Variants in KAZN observed in about 807,000 individuals in gnomAD.
KAZN encodes the protein kazrin.
A neutral mutation model predicts 87.4 loss-of-function variants in KAZN; 40 were observed. That is an observed-to-expected ratio of 0.46 (90% CI 0.36 to 0.60). The LOEUF (loss-of-function observed/expected upper bound fraction) is 0.60, where lower values mean the gene tolerates loss of function less well. Ranked by LOEUF, KAZN falls within the 20% of genes least tolerant of loss-of-function variation. KAZN has a pLI of 0.00. For synonymous variants in KAZN, 466 were observed against 458.3 expected (o/e 1.02, Z -0.22); for missense variants, 898 against 1,073.9 (o/e 0.84, Z 2.29).
At chr1:14,823,829 G>A (rs1449967791) in intron 1 of KAZN, among the ~76,000 whole-genome samples, 2 of 152,142 alleles carry the variant, frequency 1.3e-5, no homozygotes, top group Non-Finnish European at 2.9e-5. Flanking sequence ...CAGGGAATGA[G>A]TGGGCCCGGC....
intron 7 of KAZN, among the ~76,000 whole-genome samples, chr1:15,064,582 C>G (rs1232701664): frequency 1.3e-5 from 2 of 152,246 alleles, no homozygotes; most frequent in Non-Finnish European, 2.9e-5. Flanking sequence ...TCCCACGTCA[C>G]AGACAAGAAA....
chr1:14,741,126 C>T (rs565416997), intron 1 of KAZN, among the ~76,000 whole-genome samples: 5 of 152,292 alleles, frequency 3.3e-5, no homozygotes, highest in Non-Finnish European at 4.4e-5. Context: ...GTTGCTGGAG[C>T]GGGTCGTTTA....
intron 2 of KAZN, among the ~76,000 whole-genome samples, chr1:14,270,915 G>A (rs1472874246): frequency 1.3e-5 from 2 of 152,150 alleles, no homozygotes; most frequent in Admixed American, 1.3e-4. Flanking sequence ...CCAGAAATGG[G>A]GGACAGCCTT....
chr1:14,325,449 C>CA (rs1391351476), intron 2 of KAZN, among the ~76,000 whole-genome samples: 1 of 152,150 alleles, frequency 6.6e-6, no homozygotes, highest in African/African-American at 2.4e-5. Context: ...GTTCATCTGA[C>CA]ATGACCTCTG....
chr1:14,176,562 C>T (rs1264332494), intron 1 of KAZN, among the ~76,000 whole-genome samples: 4 of 152,130 alleles, frequency 2.6e-5, no homozygotes, highest in African/African-American at 9.7e-5. Context: ...GAGAATCAGG[C>T]CATATTCTTT....
intron 2 of KAZN, among the ~76,000 whole-genome samples, chr1:14,405,378 G>A (rs958712275): frequency 6.6e-6 from 1 of 152,128 alleles, no homozygotes; most frequent in African/African-American, 2.4e-5. Context: ...TTTCAGGAAA[G>A]CCTGTACATT....
chr1:14,877,432 C>T (rs566916150), intron 1 of KAZN, among the ~76,000 whole-genome samples: 149 of 152,338 alleles, frequency 9.8e-4, no homozygotes, highest in Non-Finnish European at 7.3e-5. Flanking sequence ...AGACATGCAT[C>T]ATGGGCCAAT....
intron 1 of KAZN, among the ~76,000 whole-genome samples, chr1:13,916,460 G>T (rs1409362127): frequency 6.6e-6 from 1 of 152,132 alleles, no homozygotes; most frequent in Non-Finnish European, 1.5e-5. Flanking sequence ...GATGGTAGGT[G>T]CTCAAAGACT....
intron 2 of KAZN, among the ~76,000 whole-genome samples, chr1:14,314,762 CATT>C: frequency 6.6e-6 from 1 of 152,226 alleles, no homozygotes; most frequent in East Asian, 1.9e-4. Flanking sequence ...CAATCACCAT[CATT>C]ATTTAATTCC....
At chr1:14,414,230 C>G (rs1447217026) in intron 2 of KAZN, among the ~76,000 whole-genome samples, 1 of 151,338 alleles carries the variant, frequency 6.6e-6, no homozygotes, top group East Asian at 1.9e-4. Flanking sequence ...TAGAGATGTT[C>G]ATGTTCTAGT....
chr1:14,380,357 A>G (rs1292565282), intron 2 of KAZN, among the ~76,000 whole-genome samples: 1 of 152,254 alleles, frequency 6.6e-6, no homozygotes, highest in East Asian at 1.9e-4. Flanking sequence ...ACATGAACTC[A>G]ACAAATGAAC....
rs144871138 is a variant in KAZN, at chr1:14,745,364, G to C, written c.226+146141G>C. On this transcript the variant is annotated intron_variant, in intron 1 of 14. Transcript: ENST00000376030. The stretch of plus-strand genomic sequence containing the variant: ...CAGCTCAAAATAGATAGGAATGATA[G>C]TACAAGAAGGTAAATAAAGAATCCC... Among the ~76,000 whole-genome samples, 10 of 152,058 alleles carry C rather than the reference G, an allele frequency of 6.6e-5. No homozygotes were observed. In the East Asian group the frequency reaches 1.5e-3, roughly 23 times the overall value.
chr1:14,507,628 T>C (rs909789065), intron 2 of KAZN, among the ~76,000 whole-genome samples: 2 of 152,122 alleles, frequency 1.3e-5, no homozygotes, highest in African/African-American at 4.8e-5. Context: ...GCAGAATCAA[T>C]ATGAAGGAGA....
At position 14,557,619 on chromosome 1, in the gene KAZN, GGTGTGTGTGGGTGTGTGTGTGTGT is replaced by G. The variant is rs545472049; in HGVS notation, c.250-41354_250-41331del. ...TTCTCCAGAGAAACAAAACCAATAG[GGTGTGTGTGGGTGTGTGTGTGTGT>G]GTGTGTGTGTGTGTGTGTGTGTGGT... is the stretch of plus-strand genomic sequence containing the variant. On this transcript the variant is annotated intron_variant, in intron 2 of 16. Coordinates refer to the KAZN transcript ENST00000636203. 4.1e-3 allele frequency among the ~76,000 whole-genome samples: 389 copies of G among 94,084 alleles called. 2 individuals are homozygous for G. The highest frequency in any genetic ancestry group is 0.012 in the African/African-American group (323 of 27,058). 61.7% of individuals were successfully genotyped at this position (94,084 alleles called of 152,430 possible).
chr1:14,673,112 G>A (rs529968984), intron 1 of KAZN, among the ~76,000 whole-genome samples: 1 of 152,354 alleles, frequency 6.6e-6, no homozygotes, highest in African/African-American at 2.4e-5. Context: ...AGCCTAGGAA[G>A]GCCTTACCTT....
intron 2 of KAZN, among the ~76,000 whole-genome samples, chr1:14,227,178 T>C (rs1487718699): frequency 2.0e-5 from 3 of 152,200 alleles, no homozygotes; most frequent in Non-Finnish European, 4.4e-5. Context: ...TAAAGTCAGA[T>C]TGTACTGGCA....
intron 2 of KAZN, among the ~76,000 whole-genome samples, chr1:14,416,967 CATATGTAT>C (rs1664824374): frequency 6.9e-6 from 1 of 145,682 alleles, no homozygotes; most frequent in African/African-American, 2.6e-5. Flanking sequence ...TGTGTGTATA[CATATGTAT>C]ATATGTGTAT....
chr1:14,909,905 T>G (rs1231656667), intron 1 of KAZN, among the ~76,000 whole-genome samples: 1 of 151,990 alleles, frequency 6.6e-6, no homozygotes, highest in Non-Finnish European at 1.5e-5. Flanking sequence ...GTACAAAAGT[T>G]AGCCAGGCAC....
chr1:14,998,641 C>T (rs1437214083), intron 2 of KAZN, among the ~76,000 whole-genome samples: 4 of 152,130 alleles, frequency 2.6e-5, no homozygotes, highest in African/African-American at 7.2e-5. Context: ...CTCTGCCTCC[C>T]GTGTTCAAGC....
Sources: allele counts gnomAD v4.1 joint callset (sites outside exome capture counted in the v4.1 genomes callset), GRCh38; gene constraint gnomAD v4.1.1; transcripts MANE v1.5; gene names NCBI Gene and HGNC (gene_info 2026-07-23, HGNC 2026-07-21).